Variants in RIMS2 observed in about 807,000 individuals in gnomAD.
The protein encoded by RIMS2 is regulating synaptic membrane exocytosis 2, also known as regulating synaptic membrane exocytosis protein 2.
In RIMS2, 59 loss-of-function variants were observed where a neutral mutation model predicts 174.4. The observed-to-expected ratio is 0.34, with a 90% CI of 0.27 to 0.42. The LOEUF (loss-of-function observed/expected upper bound fraction) is 0.42, where lower values mean the gene tolerates loss of function less well. Ranked by LOEUF, RIMS2 falls within the 10% of genes least tolerant of loss-of-function variation. The pLI is 1.00. For missense variants in RIMS2, 1,620 were observed against 1,666.3 expected (o/e 0.97, Z 0.48); for synonymous variants, 606 against 572.5 (o/e 1.06, Z -0.84).
chr8:104,081,663 G>GA (rs76335678), intron 19 of RIMS2, among the ~76,000 whole-genome samples: 10 of 151,414 alleles, frequency 6.6e-5, no homozygotes, highest in Admixed American at 3.9e-4. Context: ...CAATAAAAGT[G>GA]AAAAAAAAGT....
chr8:103,678,825 GGATC>G (rs1472204399), intron 1 of RIMS2, among the ~76,000 whole-genome samples: 1 of 151,932 alleles, frequency 6.6e-6, no homozygotes, highest in Non-Finnish European at 1.5e-5. Context: ...ATCTGGGGGT[GGATC>G]ACAAGTTAAG....
chr8:103,601,363 G>A (rs985841374), intron 1 of RIMS2, among the ~76,000 whole-genome samples: 22 of 151,996 alleles, frequency 1.4e-4, no homozygotes, highest in African/African-American at 1.4e-4. Context: ...TGTTGGTTGC[G>A]TATATATTTA....
Position 103,805,417 on chromosome 8 carries a change from A to G in RIMS2, c.698+38880A>G, listed in dbSNP as rs573941829. ...CTAAGTCAGCAAAAATAAATAGTAC[A>G]GAGAGTCAAAATTTTTGTCACATAT... is the stretch of plus-strand genomic sequence containing the variant. On this transcript the variant is annotated intron_variant, in intron 3 of 23. Coordinates refer to ENST00000504942, the Ensembl canonical transcript of RIMS2. 4.6e-5 allele frequency among the ~76,000 whole-genome samples: 7 copies of G among 152,208 alleles called. 1 individual carries two copies. In the Middle Eastern group the frequency reaches 0.01, roughly 222 times the overall value.
At chr8:103,595,440 A>T (rs1444103707) in intron 1 of RIMS2, among the ~76,000 whole-genome samples, 1 of 151,892 alleles carries the variant, frequency 6.6e-6, no homozygotes, top group Non-Finnish European at 1.5e-5. Context: ...GATGGGAGAA[A>T]GTGTAATAAC....
At chr8:103,858,583 A>G (rs919491624) in intron 3 of RIMS2, among the ~76,000 whole-genome samples, 2 of 151,666 alleles carry the variant, frequency 1.3e-5, no homozygotes, top group African/African-American at 2.4e-5. Context: ...ATATATATGT[A>G]CACATATATG....
chr8:103,788,559 G>A (rs555422661), intron 3 of RIMS2, among the ~76,000 whole-genome samples: 7 of 151,794 alleles, frequency 4.6e-5, no homozygotes, highest in East Asian at 1.9e-4. Context: ...CCCTGCTGGG[G>A]GGTGCCTCCC....
intron 1 of RIMS2, among the ~76,000 whole-genome samples, chr8:103,585,590 G>C (rs531405969): frequency 2.0e-5 from 3 of 152,106 alleles, no homozygotes; most frequent in Non-Finnish European, 2.9e-5. Context: ...CAGGGACATG[G>C]ATGAAGCTGG....
chr8:104,251,072 A>G (rs2099357670), exon 23 of RIMS2: 1 of 1,613,500 alleles, frequency 6.2e-7, no homozygotes, highest in Admixed American at 1.7e-5. Context: ...TGCATAGCCA[A>G]AAAGAAAACA....
At chr8:103,627,996 C>T (rs1044252963) in intron 1 of RIMS2, among the ~76,000 whole-genome samples, 2 of 152,138 alleles carry the variant, frequency 1.3e-5, no homozygotes, top group Non-Finnish European at 2.9e-5. Flanking sequence ...TCCAGAGTTA[C>T]TGAACAACTG....
At chr8:104,237,279 T>TAA (rs2099263622) in intron 19 of RIMS2, among the ~76,000 whole-genome samples, 1 of 152,194 alleles carries the variant, frequency 6.6e-6, no homozygotes, top group Non-Finnish European at 1.5e-5. Context: ...ATCTATTGTA[T>TAA]GTATCTGTCA....
chr8:104,007,237 T>A (rs910063052), intron 17 of RIMS2, among the ~76,000 whole-genome samples: 2 of 152,190 alleles, frequency 1.3e-5, no homozygotes, highest in Non-Finnish European at 2.9e-5. Flanking sequence ...ATGTTTATCA[T>A]TCATACCTTC....
chr8:103,764,817 A>G (rs1284439624), intron 2 of RIMS2, among the ~76,000 whole-genome samples: 3 of 152,144 alleles, frequency 2.0e-5, no homozygotes, highest in Non-Finnish European at 4.4e-5. Context: ...ATATCTTACT[A>G]TTCTATAATT....
At chr8:103,559,447 G>T in intron 1 of RIMS2, 1 of 343,034 alleles carries the variant, frequency 2.9e-6, no homozygotes, top group South Asian at 2.4e-5. Flanking sequence ...GAGAGTTCAG[G>T]GACTCTGGTG....
intron 19 of RIMS2, among the ~76,000 whole-genome samples, chr8:104,161,483 G>A (rs1017261714): frequency 6.6e-6 from 1 of 152,234 alleles, no homozygotes; most frequent in South Asian, 2.1e-4. Context: ...TGGCAATAGG[G>A]ATCTGTTGTA....
At chr8:103,749,143 C>T (rs1280706608) in intron 2 of RIMS2, among the ~76,000 whole-genome samples, 5 of 145,718 alleles carry the variant, frequency 3.4e-5, no homozygotes, top group Non-Finnish European at 7.5e-5. Context: ...ACGGGGTCTC[C>T]CTCTGTTGTC....
intron 15 of RIMS2, among the ~76,000 whole-genome samples, chr8:103,972,003 G>C (rs2092937836): frequency 6.6e-6 from 1 of 151,958 alleles, no homozygotes; most frequent in Admixed American, 6.6e-5. Flanking sequence ...CTCTATTCTT[G>C]GATCTTTTCT....
chr8:103,608,851 C>T (rs899271183), intron 1 of RIMS2, among the ~76,000 whole-genome samples: 20 of 152,330 alleles, frequency 1.3e-4, no homozygotes, highest in African/African-American at 4.8e-4. Context: ...TGCTTTGGCT[C>T]GCGCACGGTG....
At chr8:104,222,388 G>C (rs1477217738) in intron 19 of RIMS2, among the ~76,000 whole-genome samples, 2 of 152,062 alleles carry the variant, frequency 1.3e-5, no homozygotes, top group East Asian at 3.9e-4. Flanking sequence ...ATACTATCTA[G>C]GAACTATTTA....
intron 1 of RIMS2, among the ~76,000 whole-genome samples, chr8:103,539,873 T>C (rs189017534): frequency 1.2e-3 from 179 of 152,368 alleles, no homozygotes; most frequent in Admixed American, 2.5e-3. Context: ...ATTGGAGCCA[T>C]TGCCATAGTG....
Sources: gnomAD v4.1 joint callset for allele counts (sites outside exome capture counted in the v4.1 genomes callset) on GRCh38, gnomAD v4.1.1 for gene constraint, MANE v1.5 for transcripts, NCBI Gene and HGNC (gene_info 2026-07-23, HGNC 2026-07-21) for gene names.